The following KLHL22 variants were observed in gnomAD, a reference collection of about 807,000 sequenced individuals.
KLHL22 encodes the protein kelch-like protein 22.
KLHL22 carries 18 observed loss-of-function variants against 60.7 expected under a neutral mutation model. That is an observed-to-expected ratio of 0.30 (90% CI 0.20 to 0.44). KLHL22 has a LOEUF of 0.44. Ranked by LOEUF, KLHL22 falls within the 20% of genes least tolerant of loss-of-function variation. KLHL22 has a pLI of 1.00. For synonymous variants in KLHL22, 355 were observed against 354.5 expected (o/e 1.00, Z -0.01); for missense variants, 596 against 852.3 (o/e 0.70, Z 3.74).
At chr22:20,477,038 A>G (rs2053427042) in intron 2 of KLHL22, among the ~76,000 whole-genome samples, 1 of 151,890 alleles carries the variant, frequency 6.6e-6, no homozygotes, top group African/African-American at 2.4e-5. Flanking sequence ...AAGAAAAAAA[A>G]AAATCTTATA....
intron 2 of KLHL22, among the ~76,000 whole-genome samples, chr22:20,473,582 C>T (rs1414888932): frequency 6.6e-6 from 1 of 152,074 alleles, no homozygotes; most frequent in African/African-American, 2.4e-5. Flanking sequence ...ATTTAAAATA[C>T]AGTATAGGTT....
chr22:20,487,914 C>T (rs752188408), intron 2 of KLHL22, among the ~76,000 whole-genome samples: 3 of 152,146 alleles, frequency 2.0e-5, no homozygotes, highest in Non-Finnish European at 4.4e-5. Context: ...AAGTCCCCTG[C>T]AGGGGGCCCT....
chr22:20,481,871 T>C (rs1277934676), intron 2 of KLHL22: 2 of 152,324 alleles, frequency 1.3e-5, no homozygotes, highest in Admixed American at 6.5e-5. Flanking sequence ...CCCAAGGTGC[T>C]AGGGTTATAG....
rs577269516 is a variant in KLHL22 at position 20,480,773 on chromosome 22, G to A, written c.227+8212C>T. ...TAGGATAAAAAATATAATTAGCCTC[G>A]AAAATAATTTTGAGTTTTGGGTGGG... On this transcript the variant is annotated intron_variant, in intron 2 of 6. Coordinates refer to ENST00000328879, the MANE Select transcript of KLHL22 (RefSeq NM_032775.4). Among the ~76,000 whole-genome samples, 5 of 149,952 alleles carry A rather than the reference G, an allele frequency of 3.3e-5. No homozygotes were observed. The East Asian group carries it at 5.9e-4, about 18-fold the overall frequency.
chr22:20,460,023 CAGA>C (rs10573524), intron 4 of KLHL22, among the ~76,000 whole-genome samples: 5,055 of 152,234 alleles, frequency 0.033, 270 homozygotes, highest in African/African-American at 0.11. Flanking sequence ...GGGCACAAGC[CAGA>C]AGAAGGTCTG....
intron 5 of KLHL22, chr22:20,456,387 A>C (rs1160697685): frequency 1.3e-5 from 2 of 152,228 alleles, no homozygotes; most frequent in African/African-American, 2.4e-5. Flanking sequence ...TGCATGAAGG[A>C]ACACCGGCAG....
At chr22:20,451,848 G>C in intron 5 of KLHL22, 2 of 1,590,748 alleles carry the variant, frequency 1.3e-6, no homozygotes, top group Non-Finnish European at 1.7e-6. Flanking sequence ...ACCATCCAGA[G>C]CTAGTGACCA....
In KLHL22 at chr22:20,463,436, C is replaced by G. The variant is rs563997162; in HGVS notation, c.1112+1422G>C. ...AGGCAGAATCCCAAGCTGTCACCCC[C>G]CTAGGGACAGCTCTGTGGAAACATC... On this transcript the variant is annotated intron_variant, in intron 4 of 6. Coordinates refer to ENST00000328879, the MANE Select transcript of KLHL22 (RefSeq NM_032775.4). Among the ~76,000 whole-genome samples the G allele has an allele frequency of 1.2e-3, 181 of 152,318 alleles. 1 individual carries two copies. Among genetic ancestry groups the G allele is most frequent in the Middle Eastern group, 3.4e-3 (1 of 294 alleles).
chr22:20,478,895 G>A lies in KLHL22; in HGVS notation c.228-7380C>T, dbSNP rs574909676. 6.2e-3 allele frequency among the ~76,000 whole-genome samples: 936 copies of A among 151,160 alleles called. 5 individuals are homozygous for A. Among genetic ancestry groups the A allele is most frequent in the Non-Finnish European group, 9.8e-3 (666 of 67,662 alleles). On this transcript the variant is annotated intron_variant, in intron 2 of 6. Transcript: ENST00000328879. ...CTGTATCCCAGCACTTTGGGAGGCCGAGGTGGGCGGATCACCTGAGGTCAG... is the reference window on the plus strand; with the variant it reads ...CTGTATCCCAGCACTTTGGGAGGCCAAGGTGGGCGGATCACCTGAGGTCAG...
Position 20,495,011 on chromosome 22 carries a change from G to C in KLHL22, c.-34+749C>G, listed in dbSNP as rs1013109571. Among the ~76,000 whole-genome samples, 10 of 152,202 alleles carry C rather than the reference G, an allele frequency of 6.6e-5. No individual in the cohort carries two copies. Among genetic ancestry groups the C allele is most frequent in the South Asian group, 2.1e-4 (1 of 4,830 alleles). ...GGCTGCGGTAGAGGAGAGGGAGTGGGTGCTGATTCCCAGCGGGGCAGCCTT... is the reference window on the plus strand; with the variant it reads ...GGCTGCGGTAGAGGAGAGGGAGTGGCTGCTGATTCCCAGCGGGGCAGCCTT... On this transcript the variant is annotated intron_variant, in intron 1 of 6. Transcript: ENST00000328879. This position sits in a 1 kb window ranked among gnomAD's most constrained non-coding sequence, Gnocchi z 4.6.
chr22:20,486,978 G>A (rs1391424919), intron 2 of KLHL22, among the ~76,000 whole-genome samples: 1 of 151,892 alleles, frequency 6.6e-6, no homozygotes, highest in Non-Finnish European at 1.5e-5. Flanking sequence ...ACCAAGCCTG[G>A]CCTCTTTCTA....
At chr22:20,488,690 A>AGGGGAGGGGAGAGGAGGGGAGGGTG (rs1367408908) in intron 2 of KLHL22, 1 of 455,600 alleles carries the variant, frequency 2.2e-6, no homozygotes, top group African/African-American at 2.0e-5. Flanking sequence ...AAGGGAGGGG[A>AGGGGAGGGGAGAGGAGGGGAGGGTG]GGAGAGAAAG....
chr22:20,489,706 C>T (rs755916706), intron 1 of KLHL22: 13 of 471,180 alleles, frequency 2.8e-5, no homozygotes, highest in Non-Finnish European at 4.8e-5. Flanking sequence ...CTTCCTCCCT[C>T]CCATTGAATG....
In KLHL22 at chr22:20,442,119, A is replaced by G. The variant is rs1174490688; in HGVS notation, c.1859T>C (p.Met620Thr). 4.6e-6 allele frequency: 7 copies of G among 1,522,648 alleles called. No individual in the cohort carries two copies. Among genetic ancestry groups the G allele is most frequent in the African/African-American group, 1.4e-5 (1 of 71,926 alleles). 94.3% of individuals were successfully genotyped at this position (1,522,648 alleles called of 1,614,324 possible). Residue 620 changes from methionine to threonine, a missense_variant, in exon 7 of 7, where the codon ATG becomes ACG. Transcript: ENST00000328879. ...AAACTCCTCCCAGTCAGACACACTC[A>G]TCACCTCAGAGGCAAAGTCCGGGTC... is the stretch of plus-strand genomic sequence containing the variant. ...QADPDFASEV[M>T]SVSDWEEFDN...
rs563580785 is a variant in KLHL22, at chr22:20,490,335, C to A, written c.-33-1091G>T. On this transcript the variant is annotated intron_variant, in intron 1 of 6. Coordinates refer to ENST00000328879, the MANE Select transcript of KLHL22 (RefSeq NM_032775.4). ...GTGAACATCAAAGGGTACACCTACA[C>A]AAACCTAGGTGGTAGAGACTACTAC... is the stretch of plus-strand genomic sequence containing the variant. 3.7e-4 allele frequency among the ~76,000 whole-genome samples: 56 copies of A among 152,348 alleles called. 1 individual carries two copies. The South Asian group carries it at 0.011, about 29-fold the overall frequency.
At chr22:20,450,630 C>A (rs1173877765) in intron 5 of KLHL22, 1 of 1,589,062 alleles carries the variant, frequency 6.3e-7, no homozygotes, top group Non-Finnish European at 8.6e-7. Context: ...ATGAAGAGTT[C>A]ATTCTTCTGA....
rs59498919 is a variant in KLHL22 at position 20,448,320 on chromosome 22, A to G, written c.1306-1644T>C. Among the ~76,000 whole-genome samples, 1,038 of 152,354 alleles carry G rather than the reference A, an allele frequency of 6.8e-3. 12 individuals carry two copies. The highest frequency in any genetic ancestry group is 0.024 in the African/African-American group (982 of 41,582). On this transcript the variant is annotated intron_variant, in intron 5 of 6. Coordinates refer to ENST00000328879, the MANE Select transcript of KLHL22 (RefSeq NM_032775.4). ...ACTTTTGGATAAGAAATGCTGAACC[A>G]GTAACTATAATGCAAAGATTCCAAA...
chr22:20,451,338 C>T, intron 5 of KLHL22: 1 of 1,611,416 alleles, frequency 6.2e-7, no homozygotes. Context: ...ACCAGAGGAG[C>T]ATGCTGGGAG....
At chr22:20,460,979 T>G (rs73384257) in intron 4 of KLHL22, among the ~76,000 whole-genome samples, 5,587 of 152,292 alleles carry the variant, frequency 0.037, 338 homozygotes, top group African/African-American at 0.13. Context: ...CATGATGGGC[T>G]TAGTGCCCGA....
Sources: gnomAD v4.1 joint callset for allele counts (sites outside exome capture counted in the v4.1 genomes callset) on GRCh38, gnomAD v4.1.1 for gene constraint, Gnocchi (gnomAD v3.1) non-coding constraint, MANE v1.5 for transcripts, NCBI Gene and HGNC (gene_info 2026-07-23, HGNC 2026-07-21) for gene names.